The following ZNF536 variants were observed in gnomAD, a reference collection of about 807,000 sequenced individuals.
ZNF536 encodes the protein zinc finger protein 536.
ZNF536 carries 13 observed loss-of-function variants against 84.5 expected under a neutral mutation model. That is an observed-to-expected ratio of 0.15 (90% confidence interval 0.10 to 0.24). The LOEUF is 0.24. Ranked by LOEUF, ZNF536 falls within the 10% of genes least tolerant of loss-of-function variation. The probability of loss-of-function intolerance (pLI) is 1.00; values close to 1 mark genes in which losing one functional copy is unlikely to be tolerated. For missense variants in ZNF536, 1,536 were observed against 1,747.5 expected, an observed-to-expected ratio of 0.88 and a Z score of 2.16; for synonymous variants, 811 against 742.5, an observed-to-expected ratio of 1.09 and a Z score of -1.50.
intron 3 of ZNF536, among the ~76,000 whole-genome samples, chr19:30,355,562 AT>A (rs559320159): frequency 1.1e-4 from 17 of 151,176 alleles, no homozygotes; most frequent in African/African-American, 4.1e-4. Context: ...TAATTTTTGT[AT>A]TTTTTTTGTA....
chr19:30,682,120 G>T (rs1007515899), intron 1 of ZNF536, among the ~76,000 whole-genome samples: 1 of 152,182 alleles, frequency 6.6e-6, no homozygotes, highest in South Asian at 2.1e-4. Context: ...GACCACCAGG[G>T]GCCAAAAAGC....
intron 2 of ZNF536, among the ~76,000 whole-genome samples, chr19:30,337,288 C>A (rs749014655): frequency 2.0e-5 from 3 of 152,152 alleles, no homozygotes; most frequent in African/African-American, 7.2e-5. Context: ...TGGCTGGCGT[C>A]CGCAATCTCC....
chr19:30,549,546 T>C (rs1424117104), intron 4 of ZNF536, 32 bp downstream of exon 4: 2 of 1,491,924 alleles, frequency 1.3e-6, no homozygotes, highest in South Asian at 1.5e-5. Flanking sequence ...CTATAGTTCA[T>C]TTCCCAAAAC....
intron 1 of ZNF536, among the ~76,000 whole-genome samples, chr19:30,588,359 C>G (rs1474780455): frequency 6.6e-6 from 1 of 152,152 alleles, no homozygotes; most frequent in Non-Finnish European, 1.5e-5. Flanking sequence ...GTCCTGATCA[C>G]CATGGTCAGT....
chr19:30,528,996 G>A lies in ZNF536; in HGVS notation c.2171-5851G>A, dbSNP rs555837945. ...GAGCTCTTTCAGCATGGCGGGACCC[G>A]GAGGTCTAGTCCTCGTGGGTCAGAT... On this transcript the variant is annotated intron_variant, in intron 2 of 4. Transcript: ENST00000355537. 1.8e-4 allele frequency among the ~76,000 whole-genome samples: 27 copies of A among 151,868 alleles called. 1 individual carries two copies. The highest frequency in any genetic ancestry group is 1.0e-3 in the South Asian group (5 of 4,772).
intron 2 of ZNF536, among the ~76,000 whole-genome samples, chr19:30,284,667 AAAAC>A (rs1211140837): frequency 6.6e-6 from 1 of 152,222 alleles, no homozygotes; most frequent in East Asian, 1.9e-4. Flanking sequence ...CTTAAAATAC[AAAAC>A]AAAGGGTGAC....
intron 2 of ZNF536, among the ~76,000 whole-genome samples, chr19:30,342,889 A>G (rs189209395): frequency 3.3e-5 from 5 of 152,346 alleles, no homozygotes. Context: ...GGTTTGTTCT[A>G]ATAAAGGCGG....
At chr19:30,430,972 G>A (rs991713917) in intron 1 of ZNF536, among the ~76,000 whole-genome samples, 2 of 152,230 alleles carry the variant, frequency 1.3e-5, no homozygotes, top group Non-Finnish European at 2.9e-5. Flanking sequence ...CACCTCGCCT[G>A]CCCATTGGGA....
intron 1 of ZNF536, among the ~76,000 whole-genome samples, chr19:30,275,954 GA>G (rs1349353959): frequency 6.6e-6 from 1 of 152,064 alleles, no homozygotes; most frequent in African/African-American, 2.4e-5. Context: ...TCACCGGCAA[GA>G]GTATCTCCCC....
chr19:30,630,405 G>A (rs1189816713), intron 1 of ZNF536, among the ~76,000 whole-genome samples: 3 of 39,540 alleles, frequency 7.6e-5, no homozygotes, highest in Non-Finnish European at 1.9e-4. Flanking sequence ...TATCCCGTGT[G>A]TGTGTGTGTG....
At chr19:30,489,091 A>G (rs2054406711) in intron 2 of ZNF536, among the ~76,000 whole-genome samples, 1 of 152,216 alleles carries the variant, frequency 6.6e-6, no homozygotes, top group Admixed American at 6.5e-5. Context: ...CCACAGCTCA[A>G]GCTCTCTTTT....
At chr19:30,313,076 C>T (rs1386050060) in intron 2 of ZNF536, among the ~76,000 whole-genome samples, 1 of 152,250 alleles carries the variant, frequency 6.6e-6, no homozygotes, top group Non-Finnish European at 1.5e-5. Flanking sequence ...GGCATCATCC[C>T]TGGGTCTCTG....
At chr19:30,665,962 C>A (rs1313792949) in intron 1 of ZNF536, among the ~76,000 whole-genome samples, 1 of 152,100 alleles carries the variant, frequency 6.6e-6, no homozygotes, top group African/African-American at 2.4e-5. Context: ...CTGTGGTGGC[C>A]CCTTTTGGGA....
At chr19:30,476,227 C>T (rs1200128995) in intron 2 of ZNF536, among the ~76,000 whole-genome samples, 3 of 152,172 alleles carry the variant, frequency 2.0e-5, no homozygotes, top group Admixed American at 6.5e-5. Context: ...CTCCCCAGCG[C>T]ACCTGGGACC....
chr19:30,360,175 G>A (rs900911481), intron 3 of ZNF536, among the ~76,000 whole-genome samples: 2 of 152,220 alleles, frequency 1.3e-5, no homozygotes, highest in African/African-American at 2.4e-5. Flanking sequence ...ACCACGCAGC[G>A]AGCTTGGGCG....
chr19:30,499,350 T>C (rs1271186011), intron 2 of ZNF536, among the ~76,000 whole-genome samples: 3 of 152,022 alleles, frequency 2.0e-5, no homozygotes, highest in African/African-American at 7.3e-5. Context: ...TGTATGTATC[T>C]ATGTATCTGT....
chr19:30,269,992 T>C (rs1265779198), intron 1 of ZNF536, among the ~76,000 whole-genome samples: 1 of 152,098 alleles, frequency 6.6e-6, no homozygotes, highest in East Asian at 1.9e-4. Context: ...AACTAACTCA[T>C]CCAATCAGAA....
intron 1 of ZNF536, among the ~76,000 whole-genome samples, chr19:30,429,262 G>T (rs181409316): frequency 4.6e-5 from 7 of 152,282 alleles, no homozygotes; most frequent in South Asian, 2.1e-4. Context: ...CTCTGCTCTT[G>T]GCACTTGGGA....
At chr19:30,538,710 C>T (rs945537757) in intron 3 of ZNF536, among the ~76,000 whole-genome samples, 5 of 152,170 alleles carry the variant, frequency 3.3e-5, no homozygotes, top group Non-Finnish European at 7.3e-5. Context: ...GCAGGGCAGA[C>T]GTTGATGGCT....
Sources: allele counts gnomAD v4.1 joint callset (sites outside exome capture counted in the v4.1 genomes callset), GRCh38; gene constraint gnomAD v4.1.1; transcripts MANE v1.5; gene names NCBI Gene and HGNC (gene_info 2026-07-23, HGNC 2026-07-21).